Variants in RBFOX1 observed in about 807,000 individuals in gnomAD.
RBFOX1 encodes RNA binding protein fox-1 homolog 1.
RBFOX1 carries 8 observed loss-of-function variants against 57.7 expected under a neutral mutation model. The ratio of observed to expected loss-of-function variants is 0.14; its 90% confidence interval spans 0.08 to 0.25. The LOEUF is 0.25. RBFOX1 is among the 10% of genes least tolerant of loss of function. The pLI, the probability that RBFOX1 is intolerant of heterozygous loss-of-function variation, is 1.00. For synonymous variants in RBFOX1, 326 were observed against 222.4 expected (o/e 1.47, Z -4.15); for missense variants, 611 against 548.5 (o/e 1.11, Z -1.14).
At chr16:6,698,003 C>G (rs533518854) in intron 3 of RBFOX1, among the ~76,000 whole-genome samples, 3 of 152,200 alleles carry the variant, frequency 2.0e-5, no homozygotes, top group Admixed American at 1.3e-4. Flanking sequence ...ACTGATCAAA[C>G]TTATTATCCT....
intron 2 of RBFOX1, among the ~76,000 whole-genome samples, chr16:6,511,388 A>T (rs1454080404): frequency 1.3e-5 from 2 of 152,148 alleles, no homozygotes; most frequent in African/African-American, 4.8e-5. Flanking sequence ...CTCTTGGTAG[A>T]TTGAGAATAT....
chr16:7,244,946 G>A (rs888602151), intron 4 of RBFOX1, among the ~76,000 whole-genome samples: 2 of 152,226 alleles, frequency 1.3e-5, no homozygotes, highest in African/African-American at 2.4e-5. Context: ...GCACAGTAGG[G>A]AGCAGTGGGG....
intron 3 of RBFOX1, among the ~76,000 whole-genome samples, chr16:6,700,207 C>T (rs867618348): frequency 2.2e-4 from 33 of 152,106 alleles, no homozygotes; most frequent in South Asian, 4.1e-4. Context: ...CAGAGAGGAA[C>T]GTGAGAAGTG....
At chr16:6,488,397 A>G (rs2095552884) in intron 2 of RBFOX1, among the ~76,000 whole-genome samples, 1 of 152,212 alleles carries the variant, frequency 6.6e-6, no homozygotes, top group African/African-American at 2.4e-5. Flanking sequence ...CAGAAACAGC[A>G]GTAACAATAC....
At chr16:6,640,285 G>C (rs1050039610) in intron 2 of RBFOX1, among the ~76,000 whole-genome samples, 5 of 152,064 alleles carry the variant, frequency 3.3e-5, no homozygotes, top group Non-Finnish European at 5.9e-5. Flanking sequence ...TTAAGAACTA[G>C]GCTATATTTT....
At chr16:6,966,643 A>G (rs900955884) in intron 3 of RBFOX1, among the ~76,000 whole-genome samples, 8 of 152,188 alleles carry the variant, frequency 5.3e-5, no homozygotes, top group African/African-American at 1.4e-4. Flanking sequence ...GCAAGGTGGA[A>G]TGATGTTGCT....
At chr16:7,406,646 C>G (rs8059011) in intron 4 of RBFOX1, among the ~76,000 whole-genome samples, 135,968 of 152,280 alleles carry the variant, frequency 0.89, 60,773 homozygotes, top group South Asian at 0.96. Flanking sequence ...TGACCACGCA[C>G]CCACATGGCA....
At chr16:7,036,373 C>G (rs2044425932) in intron 3 of RBFOX1, among the ~76,000 whole-genome samples, 1 of 151,982 alleles carries the variant, frequency 6.6e-6, no homozygotes, top group Non-Finnish European at 1.5e-5. Flanking sequence ...GAAAGGGGTC[C>G]CAATGCAGAT....
At chr16:6,249,608 G>C (rs2097591397) in intron 1 of RBFOX1, among the ~76,000 whole-genome samples, 1 of 152,112 alleles carries the variant, frequency 6.6e-6, no homozygotes, top group Non-Finnish European at 1.5e-5. Context: ...TAGGTAGAGA[G>C]TAGTGATCAG....
chr16:7,386,581 T>C (rs2097886634), intron 4 of RBFOX1, among the ~76,000 whole-genome samples: 1 of 152,214 alleles, frequency 6.6e-6, no homozygotes, highest in Non-Finnish European at 1.5e-5. Context: ...CTGCATAGTA[T>C]TCCATGGTGT....
intron 3 of RBFOX1, among the ~76,000 whole-genome samples, chr16:5,705,799 G>T (rs2051223861): frequency 6.6e-6 from 1 of 152,212 alleles, no homozygotes; most frequent in Non-Finnish European, 1.5e-5. Flanking sequence ...TGTGTGCGAG[G>T]CCTCTTGGCT....
At chr16:6,670,082 T>A (rs986555116) in intron 3 of RBFOX1, among the ~76,000 whole-genome samples, 1 of 152,136 alleles carries the variant, frequency 6.6e-6, no homozygotes, top group Admixed American at 6.5e-5. Flanking sequence ...AGTGCAGTGG[T>A]ATGATCATGG....
At chr16:6,082,307 A>T (rs1175720460) in intron 1 of RBFOX1, among the ~76,000 whole-genome samples, 1 of 142,688 alleles carries the variant, frequency 7.0e-6, no homozygotes, top group African/African-American at 2.6e-5. Context: ...CAGCCTCCCA[A>T]GTAGCTGGGA....
At chr16:6,899,268 G>C (rs976529186) in intron 3 of RBFOX1, among the ~76,000 whole-genome samples, 4 of 151,978 alleles carry the variant, frequency 2.6e-5, no homozygotes, top group African/African-American at 9.7e-5. Context: ...TGTGTATAAC[G>C]TGTGCATGTA....
intron 5 of RBFOX1, among the ~76,000 whole-genome samples, chr16:7,539,986 A>G (rs993124594): frequency 6.6e-6 from 1 of 152,182 alleles, no homozygotes; most frequent in African/African-American, 2.4e-5. Context: ...TGGGAAAGCT[A>G]TTGAACCTCA....
chr16:6,074,599 G>T (rs887415401), intron 1 of RBFOX1, among the ~76,000 whole-genome samples: 27 of 152,158 alleles, frequency 1.8e-4, no homozygotes, highest in African/African-American at 6.3e-4. Flanking sequence ...TCTTGCAGTG[G>T]GGGAGAAAGA....
chr16:6,410,293 A>T (rs2093416907), intron 2 of RBFOX1, among the ~76,000 whole-genome samples: 1 of 135,438 alleles, frequency 7.4e-6, no homozygotes, highest in African/African-American at 2.8e-5. Flanking sequence ...TGAAACGATG[A>T]CCTAGGGTTC....
At chr16:7,265,734 C>A (rs148102412) in intron 4 of RBFOX1, among the ~76,000 whole-genome samples, 1 of 152,172 alleles carries the variant, frequency 6.6e-6, no homozygotes, top group Non-Finnish European at 1.5e-5. Flanking sequence ...TAGGCGTGAG[C>A]CACCATGCCT....
intron 4 of RBFOX1, among the ~76,000 whole-genome samples, chr16:7,331,716 G>A (rs1366132428): frequency 6.6e-6 from 1 of 152,106 alleles, no homozygotes; most frequent in Admixed American, 6.6e-5. Flanking sequence ...AGTGAACAGG[G>A]TTCAGAGAGG....
Sources: allele counts gnomAD v4.1 joint callset (sites outside exome capture counted in the v4.1 genomes callset), GRCh38; gene constraint gnomAD v4.1.1; transcripts MANE v1.5; gene names NCBI Gene and HGNC (gene_info 2026-07-23, HGNC 2026-07-21).